CDYL: variants seen among roughly 807,000 people sequenced by gnomAD.
CDYL encodes the protein chromodomain Y like.
Under a neutral mutation model 47.3 loss-of-function variants are expected in CDYL, and 8 were observed. The ratio of observed to expected loss-of-function variants is 0.17; its 90% CI spans 0.10 to 0.31. The LOEUF (loss-of-function observed/expected upper bound fraction) is 0.31, where lower values mean the gene tolerates loss of function less well. Among genes scored for constraint, CDYL ranks in the 10% least tolerant of loss-of-function variants. CDYL has a pLI of 1.00. For synonymous variants in CDYL, 266 were observed against 265.0 expected (o/e 1.00, Z -0.04); for missense variants, 471 against 701.4 (o/e 0.67, Z 3.71).
At chr6:4,853,643 T>G (rs1760917580) in intron 1 of CDYL, among the ~76,000 whole-genome samples, 1 of 152,240 alleles carries the variant, frequency 6.6e-6, no homozygotes, top group South Asian at 2.1e-4. Context: ...AGTCCCTGTC[T>G]CCTGCCTTTC....
Position 4,951,000 on chromosome 6 carries a change from C to G in CDYL, c.1333-1266C>G, listed in dbSNP as rs183558709. Among the ~76,000 whole-genome samples, 10 of 152,028 alleles carry G rather than the reference C, an allele frequency of 6.6e-5. 1 individual carries two copies. In the South Asian group the frequency reaches 2.1e-3, roughly 32 times the overall value. The stretch of plus-strand genomic sequence containing the variant: ...CCCCAGCCCTGTTTTCCAGCCTCTG[C>G]CTGCATGGGAGGGGCAGTGAGTCAG... On this transcript the variant is annotated intron_variant, in intron 5 of 6. Transcript: ENST00000397588.
At chr6:4,718,159 C>T (rs1285467630) in intron 2 of CDYL, among the ~76,000 whole-genome samples, 2 of 152,026 alleles carry the variant, frequency 1.3e-5, no homozygotes, top group Non-Finnish European at 2.9e-5. Context: ...TTTGAATATA[C>T]CTAAGACATT....
At chr6:4,883,349 T>C (rs808622) in intron 1 of CDYL, among the ~76,000 whole-genome samples, 65,112 of 151,954 alleles carry the variant, frequency 0.43, 15,787 homozygotes, top group African/African-American at 0.67. Flanking sequence ...TGCAAGGGAC[T>C]GAAGTGAAGC....
intron 2 of CDYL, among the ~76,000 whole-genome samples, chr6:4,913,625 C>T (rs997087423): frequency 4.6e-5 from 7 of 152,332 alleles, no homozygotes; most frequent in Non-Finnish European, 1.0e-4. Flanking sequence ...TCCGGCCTTC[C>T]AGGGAACTCT....
intron 1 of CDYL, among the ~76,000 whole-genome samples, chr6:4,853,923 T>C (rs1158526513): frequency 2.0e-5 from 3 of 152,216 alleles, no homozygotes; most frequent in African/African-American, 4.8e-5. Flanking sequence ...CTTGGGATCC[T>C]CCTCCCACTT....
chr6:4,843,815 C>A (rs533075379), intron 1 of CDYL, among the ~76,000 whole-genome samples: 1 of 152,200 alleles, frequency 6.6e-6, no homozygotes, highest in South Asian at 2.1e-4. Flanking sequence ...CTGCTGAATT[C>A]TTTTTGTGGC....
At chr6:4,715,976 C>T (rs1344986932) in intron 2 of CDYL, 20 of 1,505,820 alleles carry the variant, frequency 1.3e-5, no homozygotes, top group African/African-American at 2.8e-5. Flanking sequence ...TGGCCGGGCA[C>T]GGTGGCTCAC....
intron 1 of CDYL, among the ~76,000 whole-genome samples, chr6:4,713,341 A>G (rs59637994): frequency 0.032 from 4,912 of 152,058 alleles, 276 homozygotes; most frequent in African/African-American, 0.11. Flanking sequence ...TCCTGGAGCC[A>G]TAAGCTAGAA....
chr6:4,849,069 A>G (rs1441487929), intron 1 of CDYL, among the ~76,000 whole-genome samples: 1 of 152,200 alleles, frequency 6.6e-6, no homozygotes, highest in African/African-American at 2.4e-5. Flanking sequence ...ATCAAATTTT[A>G]GGTTTAATCA....
chr6:4,901,724 T>C, intron 2 of CDYL, among the ~76,000 whole-genome samples: 1 of 152,232 alleles, frequency 6.6e-6, no homozygotes, highest in East Asian at 1.9e-4. Flanking sequence ...ACAGTATTAC[T>C]CAAGACTTTC....
intron 1 of CDYL, among the ~76,000 whole-genome samples, chr6:4,886,084 T>A (rs1761893514): frequency 6.6e-6 from 1 of 152,250 alleles, no homozygotes. Context: ...ACTTCATTCC[T>A]TTCTGTGGCT....
chr6:4,919,362 T>G (rs1005010698), intron 2 of CDYL, among the ~76,000 whole-genome samples: 1 of 152,198 alleles, frequency 6.6e-6, no homozygotes, highest in Non-Finnish European at 1.5e-5. Flanking sequence ...TAAGATAGCC[T>G]CAAAATTGGC....
chr6:4,902,225 C>T (rs1216111035), intron 2 of CDYL, among the ~76,000 whole-genome samples: 1 of 151,486 alleles, frequency 6.6e-6, no homozygotes, highest in Non-Finnish European at 1.5e-5. Flanking sequence ...ATGGAAAAAC[C>T]CTGTCTCTAC....
chr6:4,785,720 G>A (rs139347303), intron 1 of CDYL, among the ~76,000 whole-genome samples: 5 of 152,290 alleles, frequency 3.3e-5, no homozygotes, highest in African/African-American at 1.2e-4. Context: ...AACAGCTCTG[G>A]GTCTCTCTTG....
At chr6:4,768,513 G>A (rs1369568281) in intron 3 of CDYL, among the ~76,000 whole-genome samples, 1 of 151,830 alleles carries the variant, frequency 6.6e-6, no homozygotes, top group Non-Finnish European at 1.5e-5. Flanking sequence ...ATCTGATCAA[G>A]GAAATAAATA....
At position 4,776,794 on chromosome 6, in the gene CDYL, A is replaced by G. The variant is rs1436560824; in HGVS notation, c.11A>G (p.Glu4Gly). MAS[E>G]ELYEVERIVD... ...ACTCCGCCGCCCACCATGGCTTCCG[A>G]GGAGCTGTACGAGGTACCTCCCCTC... Residue 4 changes from glutamate (E) to glycine (G), a missense_variant, in exon 1 of 7, where the codon GAG becomes GGG. Glu to Gly is a moderately conservative substitution (Grantham distance 98). Around this residue, in one of 3 missense-constraint regions of CDYL, gnomAD observed 311 missense variants for 350.0 expected, o/e 0.89. Transcript: ENST00000397588. The G allele has an allele frequency of 2.2e-5, 25 of 1,128,324 alleles. No homozygotes were observed. The Admixed American group carries it at 3.1e-4, about 14-fold the overall frequency. 69.9% of individuals were successfully genotyped at this position (1,128,324 alleles called of 1,614,324 possible). A position where few individuals can be genotyped will look rare whatever the true frequency, so the allele number is the denominator to read the frequency against.
chr6:4,732,910 C>T (rs1050979765), intron 2 of CDYL, among the ~76,000 whole-genome samples: 1 of 152,084 alleles, frequency 6.6e-6, no homozygotes, highest in East Asian at 1.9e-4. Flanking sequence ...GTCCCTGCGG[C>T]GCTGCAGAGT....
rs138246666 is a variant in CDYL, at chr6:4,788,867, G to A, written c.24+12060G>A. Among the ~76,000 whole-genome samples the A allele has an allele frequency of 1.2e-3, 185 of 152,146 alleles. 1 individual carries two copies. The highest frequency in any genetic ancestry group is 2.9e-3 in the Admixed American group (45 of 15,280). ...GGATCCCCGCAGGCTTTGCTCTGCT[G>A]TTCTGGGATGAAGGATGTTGCTGCT... On this transcript the variant is annotated intron_variant, in intron 1 of 6. Coordinates refer to ENST00000397588, the MANE Select transcript of CDYL (RefSeq NM_004824.4).
intron 2 of CDYL, among the ~76,000 whole-genome samples, chr6:4,899,004 G>C (rs922218892): frequency 5.3e-5 from 8 of 152,190 alleles, no homozygotes; most frequent in African/African-American, 1.9e-4. Context: ...TTTCTTCAAA[G>C]TAGAGCAAAA....
Sources: gnomAD v4.1 joint callset for allele counts (sites outside exome capture counted in the v4.1 genomes callset) on GRCh38, gnomAD v4.1.1 for gene constraint, gnomAD v4.1.1 regional missense constraint, MANE v1.5 for transcripts, NCBI Gene and HGNC (gene_info 2026-07-23, HGNC 2026-07-21) for gene names.